Variants in FSTL1 observed in about 807,000 individuals in gnomAD.
The protein encoded by FSTL1 is follistatin like 1.
A neutral mutation model predicts 45.9 loss-of-function variants in FSTL1; 24 were observed. The observed-to-expected ratio is 0.52, with a 90% CI of 0.38 to 0.74. FSTL1 has a LOEUF of 0.74. FSTL1 is among the 30% of genes least tolerant of loss of function. The pLI, the probability that FSTL1 is intolerant of heterozygous loss-of-function variation, is 0.00. For missense variants in FSTL1, 340 were observed against 381.8 expected, an observed-to-expected ratio of 0.89 and a Z score of 0.91; for synonymous variants, 120 against 137.6, an observed-to-expected ratio of 0.87 and a Z score of 0.89.
At chr3:120,397,650 A>G (rs1936729071) in intron 10 of FSTL1, among the ~76,000 whole-genome samples, 1 of 152,246 alleles carries the variant, frequency 6.6e-6, no homozygotes, top group Admixed American at 6.5e-5. Flanking sequence ...TTGGAACTCT[A>G]TGGTGAAGAT....
chr3:120,409,396 G>C (rs1937006807), intron 6 of FSTL1, 136 bp downstream of exon 6: 5 of 758,978 alleles, frequency 6.6e-6, no homozygotes, highest in Non-Finnish European at 1.1e-5. Context: ...CTTCATGAAT[G>C]ATCTATGATG....
In FSTL1 at chr3:120,395,689, A is replaced by G. The variant is rs1208545644; in HGVS notation, c.*1263T>C. On this transcript the variant is annotated 3_prime_UTR_variant, in exon 11 of 11. Coordinates refer to ENST00000295633, the MANE Select transcript of FSTL1 (RefSeq NM_007085.5). Reference sequence around the variant, plus strand: ...GATTTCATTTATTCTATAGAGAAGAAGGAAAAATCACAGGAACCTATCTCC... The same window carrying G: ...GATTTCATTTATTCTATAGAGAAGAGGGAAAAATCACAGGAACCTATCTCC... 1.9e-6 allele frequency: 1 copy of G among 534,706 alleles called. No individual in the cohort carries two copies. The highest frequency in any genetic ancestry group is 3.8e-6 in the Non-Finnish European group (1 of 260,078). 33.1% of individuals were successfully genotyped at this position (534,706 alleles called of 1,614,324 possible). A position where few individuals can be genotyped will look rare whatever the true frequency, so the allele number is the denominator to read the frequency against.
intron 7 of FSTL1, among the ~76,000 whole-genome samples, chr3:120,404,387 T>C (rs183761988): frequency 6.6e-6 from 1 of 152,358 alleles, no homozygotes; most frequent in Admixed American, 6.5e-5. Context: ...TTTATTAATA[T>C]TGATTCTGGA....
In FSTL1 at chr3:120,414,114, G is replaced by A. The variant is rs769356268; in HGVS notation, c.168+1809C>T. On this transcript the variant is annotated intron_variant, in intron 3 of 10. Transcript: ENST00000295633. ...GGTGCCCAGGCTGGAGTGCAGTGGC[G>A]TGATCTCGGCTCGCTACAACCTCCA... Among the ~76,000 whole-genome samples, 14 of 151,818 alleles carry A rather than the reference G, an allele frequency of 9.2e-5. 1 individual carries two copies. The East Asian group carries it at 1.2e-3, about 13-fold the overall frequency.
chr3:120,418,779 G>C (rs1381362211), intron 2 of FSTL1, among the ~76,000 whole-genome samples: 1 of 152,112 alleles, frequency 6.6e-6, no homozygotes, highest in Admixed American at 6.5e-5. Flanking sequence ...ATTCTTAGAG[G>C]GTTGTTGTGA....
intron 2 of FSTL1, among the ~76,000 whole-genome samples, chr3:120,420,811 T>C (rs1171755505): frequency 1.3e-5 from 2 of 152,186 alleles, no homozygotes; most frequent in Non-Finnish European, 2.9e-5. Flanking sequence ...ATGTGACTGG[T>C]CCAAGATCTC....
chr3:120,423,949 C>T (rs1461319002), intron 2 of FSTL1: 2 of 152,300 alleles, frequency 1.3e-5, no homozygotes, highest in African/African-American at 4.8e-5. Flanking sequence ...TTATTTTCTC[C>T]TCTCCAATTG....
Position 120,395,980 on chromosome 3 carries a change from G to A in FSTL1, c.*972C>T, listed in dbSNP as rs1005808283. ...ACAAATTAATGTTTGGATCTTGAAA[G>A]TTTTTTATGAAGATGCTTCTTCCCC... is the stretch of plus-strand genomic sequence containing the variant. On this transcript the variant is annotated 3_prime_UTR_variant, in exon 11 of 11. Transcript: ENST00000295633. 21 of 287,970 alleles carry A rather than the reference G, an allele frequency of 7.3e-5. No individual in the cohort carries two copies. Among genetic ancestry groups the A allele is most frequent in the Non-Finnish European group, 1.3e-4 (19 of 151,136 alleles). 17.8% of individuals were successfully genotyped at this position (287,970 alleles called of 1,614,324 possible).
At chr3:120,449,526 T>G (rs184691051) in intron 2 of FSTL1, among the ~76,000 whole-genome samples, 2 of 152,236 alleles carry the variant, frequency 1.3e-5, no homozygotes, top group Non-Finnish European at 2.9e-5. Context: ...TATTACAACA[T>G]AGCAGATATT....
At position 120,424,946 on chromosome 3, in the gene FSTL1, T is replaced by C. The variant is rs148393823; in HGVS notation, c.64-8919A>G. Among the ~76,000 whole-genome samples, 1,044 of 151,910 alleles carry C rather than the reference T, an allele frequency of 6.9e-3. 4 individuals carry two copies. Among genetic ancestry groups the C allele is most frequent in the Middle Eastern group, 0.02 (6 of 294 alleles). Reference sequence around the variant, plus strand: ...GATGCATATCTGGGCGTCACCTGTGTAGGGGTGAGAAATTGAGGCAGAGGA... The same window carrying C: ...GATGCATATCTGGGCGTCACCTGTGCAGGGGTGAGAAATTGAGGCAGAGGA... On this transcript the variant is annotated intron_variant, in intron 2 of 10. Transcript: ENST00000295633.
At chr3:120,423,458 A>C (rs532482559) in intron 2 of FSTL1, 1 of 152,268 alleles carries the variant, frequency 6.6e-6, no homozygotes, top group African/African-American at 2.4e-5. Context: ...GAAACATGTT[A>C]GGCCTGTTCA....
intron 2 of FSTL1, among the ~76,000 whole-genome samples, chr3:120,446,924 G>A (rs538531987): frequency 7.2e-4 from 109 of 152,192 alleles, no homozygotes; most frequent in Non-Finnish European, 1.4e-3. Context: ...TCCCTTACTG[G>A]AATGAGGATT....
chr3:120,408,743 G>GT (rs1025850299), intron 6 of FSTL1, among the ~76,000 whole-genome samples: 2 of 152,126 alleles, frequency 1.3e-5, no homozygotes, highest in African/African-American at 4.8e-5. Flanking sequence ...GTGTGTGTGC[G>GT]TGTCTGGCAT....
chr3:120,431,880 A>T (rs1054466602), intron 2 of FSTL1, among the ~76,000 whole-genome samples: 1 of 152,220 alleles, frequency 6.6e-6, no homozygotes, highest in African/African-American at 2.4e-5. Flanking sequence ...ATGAGGACCT[A>T]GTCCTTCAAA....
At chr3:120,413,053 G>A (rs1295603425) in intron 3 of FSTL1, among the ~76,000 whole-genome samples, 1 of 152,144 alleles carries the variant, frequency 6.6e-6, no homozygotes, top group Non-Finnish European at 1.5e-5. Flanking sequence ...AAGTTCATAT[G>A]GCAACTAGGT....
chr3:120,447,978 G>C (rs998996790), intron 2 of FSTL1, among the ~76,000 whole-genome samples: 1 of 152,172 alleles, frequency 6.6e-6, no homozygotes, highest in East Asian at 1.9e-4. Flanking sequence ...TAATAGCTTT[G>C]TGAATCTAAC....
At chr3:120,431,760 T>C (rs1454411839) in intron 2 of FSTL1, among the ~76,000 whole-genome samples, 2 of 152,210 alleles carry the variant, frequency 1.3e-5, no homozygotes, top group African/African-American at 4.8e-5. Flanking sequence ...GACGACCTTC[T>C]TTAACTTGGA....
At chr3:120,446,624 T>C (rs906864469) in intron 2 of FSTL1, among the ~76,000 whole-genome samples, 1 of 152,230 alleles carries the variant, frequency 6.6e-6, no homozygotes, top group Non-Finnish European at 1.5e-5. Context: ...TTGTTAATAA[T>C]ACAAGTTGTG....
rs1936688404 is a variant in FSTL1 at position 120,395,856 on chromosome 3, A to C, written c.*1096T>G. On this transcript the variant is annotated 3_prime_UTR_variant, in exon 11 of 11. Coordinates refer to ENST00000295633, the MANE Select transcript of FSTL1 (RefSeq NM_007085.5). ...ACTCACCCTCCTAGTTAGTCGAATGAGCATATTGGTAGGCTGGGATATCCT... is the reference window on the plus strand; with the variant it reads ...ACTCACCCTCCTAGTTAGTCGAATGCGCATATTGGTAGGCTGGGATATCCT... The C allele has an allele frequency of 2.5e-6, 1 of 394,830 alleles. No homozygotes were observed. Among genetic ancestry groups the C allele is most frequent in the Non-Finnish European group, 5.0e-6 (1 of 201,438 alleles). The allele number at this position is 394,830 out of a possible 1,614,324, so 24.5% of individuals were successfully genotyped here. A position where few individuals can be genotyped will look rare whatever the true frequency, so the allele number is the denominator to read the frequency against.
Sources: allele counts gnomAD v4.1 joint callset (sites outside exome capture counted in the v4.1 genomes callset), GRCh38; gene constraint gnomAD v4.1.1; transcripts MANE v1.5; gene names NCBI Gene and HGNC (gene_info 2026-07-23, HGNC 2026-07-21).